Variants in DTNB observed in about 807,000 individuals in gnomAD.
DTNB encodes the protein dystrobrevin beta, also known as DTN-B.
A neutral mutation model predicts 90.7 loss-of-function variants in DTNB; 63 were observed. The ratio of observed to expected loss-of-function variants is 0.69; its 90% CI spans 0.57 to 0.86. The LOEUF is 0.86. DTNB is among the 40% of genes least tolerant of loss of function. The pLI is 0.00. For missense variants in DTNB, 744 were observed against 807.1 expected (o/e 0.92, Z 0.95); for synonymous variants, 277 against 286.7 (o/e 0.97, Z 0.34).
At chr2:25,531,868 T>C (rs973452287) in intron 8 of DTNB, among the ~76,000 whole-genome samples, 3 of 152,222 alleles carry the variant, frequency 2.0e-5, no homozygotes, top group African/African-American at 7.2e-5. Context: ...CATCTCTATG[T>C]ACTCTTGGCA....
chr2:25,559,812 T>C (rs570789585), intron 8 of DTNB, among the ~76,000 whole-genome samples: 1 of 152,266 alleles, frequency 6.6e-6, no homozygotes, highest in East Asian at 1.9e-4. Context: ...ATAAGACAGA[T>C]ACACAGAGGA....
chr2:25,423,817 G>A (rs112330692), intron 15 of DTNB, among the ~76,000 whole-genome samples: 2,733 of 151,948 alleles, frequency 0.018, 68 homozygotes, highest in African/African-American at 0.063. Flanking sequence ...GCACCACCAC[G>A]CTCAGGTAAC....
intron 8 of DTNB, among the ~76,000 whole-genome samples, chr2:25,565,301 A>G (rs2058855688): frequency 6.6e-6 from 1 of 152,116 alleles, no homozygotes; most frequent in South Asian, 2.1e-4. Context: ...CAGTGATGCA[A>G]TCATAACTTA....
At chr2:25,628,985 G>A (rs1000138233) in intron 3 of DTNB, among the ~76,000 whole-genome samples, 1 of 152,128 alleles carries the variant, frequency 6.6e-6, no homozygotes, top group Non-Finnish European at 1.5e-5. Flanking sequence ...AATAAAGTAG[G>A]CGCGGTAGCT....
chr2:25,577,104 C>T (rs976346809), intron 7 of DTNB, 100 bp from the exon 8 acceptor site: 6 of 1,258,916 alleles, frequency 4.8e-6, no homozygotes, highest in Non-Finnish European at 6.4e-6. Flanking sequence ...GAAGTCAATA[C>T]AGAGGAATAC....
At chr2:25,514,538 G>A (rs557824443) in intron 9 of DTNB, among the ~76,000 whole-genome samples, 2 of 133,998 alleles carry the variant, frequency 1.5e-5, no homozygotes, top group Non-Finnish European at 3.1e-5. Context: ...TTATGTCATA[G>A]GACAAATATA....
At chr2:25,627,015 G>A (rs146289095) in intron 4 of DTNB, among the ~76,000 whole-genome samples, 364 of 152,258 alleles carry the variant, frequency 2.4e-3, no homozygotes, top group African/African-American at 8.6e-3. Context: ...AATCATTTCC[G>A]TTTTAATTGG....
At chr2:25,666,542 A>C (rs1418752544) in intron 1 of DTNB, among the ~76,000 whole-genome samples, 2 of 152,216 alleles carry the variant, frequency 1.3e-5, no homozygotes, top group Non-Finnish European at 2.9e-5. Context: ...CTTTGTATAA[A>C]GTTGAGAAAG....
At chr2:25,667,617 TTATTA>T (rs1559449745) in intron 1 of DTNB, among the ~76,000 whole-genome samples, 1 of 152,208 alleles carries the variant, frequency 6.6e-6, no homozygotes, top group African/African-American at 2.4e-5. Flanking sequence ...TCTGACATAC[TTATTA>T]TATAAGTACA....
intron 1 of DTNB, among the ~76,000 whole-genome samples, chr2:25,660,704 G>C (rs777955368): frequency 2.0e-5 from 3 of 151,948 alleles, no homozygotes; most frequent in Non-Finnish European, 4.4e-5. Context: ...TTTTAACGCT[G>C]TATAATTCCA....
intron 8 of DTNB, among the ~76,000 whole-genome samples, chr2:25,551,526 C>T (rs2083656465): frequency 6.6e-6 from 1 of 152,146 alleles, no homozygotes; most frequent in Admixed American, 6.6e-5. Context: ...GCTTCAGGGT[C>T]CCAGCAGTAC....
At chr2:25,405,236 C>CAG in intron 16 of DTNB, among the ~76,000 whole-genome samples, 2 of 152,120 alleles carry the variant, frequency 1.3e-5, no homozygotes, top group South Asian at 4.1e-4. Context: ...CCCGACTAAC[C>CAG]ACCATTAAAA....
At chr2:25,560,999 TACA>T (rs756723810) in intron 8 of DTNB, among the ~76,000 whole-genome samples, 7 of 152,218 alleles carry the variant, frequency 4.6e-5, no homozygotes, top group Non-Finnish European at 1.0e-4. Flanking sequence ...ACCTCCTACC[TACA>T]ACATTTTATT....
chr2:25,465,893 C>G (rs1322602030), intron 10 of DTNB, among the ~76,000 whole-genome samples: 1 of 152,214 alleles, frequency 6.6e-6, no homozygotes, highest in Non-Finnish European at 1.5e-5. Context: ...TTTGCTAGAA[C>G]AGCAGCTACA....
intron 3 of DTNB, among the ~76,000 whole-genome samples, chr2:25,635,195 G>A (rs966979932): frequency 3.3e-5 from 5 of 152,116 alleles, no homozygotes; most frequent in Non-Finnish European, 7.4e-5. Context: ...CACTTTGGGA[G>A]GCCAAGACAG....
At chr2:25,608,556 T>C (rs939488524) in intron 4 of DTNB, among the ~76,000 whole-genome samples, 1 of 152,178 alleles carries the variant, frequency 6.6e-6, no homozygotes, top group Admixed American at 6.5e-5. Context: ...ATGGCACCCA[T>C]AAATAAGGCA....
chr2:25,597,755 T>C (rs568568287), intron 5 of DTNB, among the ~76,000 whole-genome samples: 1 of 152,304 alleles, frequency 6.6e-6, no homozygotes, highest in African/African-American at 2.4e-5. Context: ...AAGTTCCTAT[T>C]ATGTGGTCCA....
Position 25,377,342 on chromosome 2 carries a change from G to A in DTNB, c.*241C>T, listed in dbSNP as rs1418105846. ...AGTGATGAAGGTGCTAGTACATGCA[G>A]GGCTGTGCAGGGGGAGGCCCACTAG... On this transcript the variant is annotated 3_prime_UTR_variant, in exon 21 of 21. Transcript: ENST00000406818. The A allele has an allele frequency of 6.5e-6, 1 of 153,008 alleles. No homozygotes were observed. The highest frequency in any genetic ancestry group is 1.5e-5 in the Non-Finnish European group (1 of 68,190). The allele number at this position is 153,008 out of a possible 1,614,324, so 9.5% of individuals were successfully genotyped here.
intron 8 of DTNB, among the ~76,000 whole-genome samples, chr2:25,548,815 C>G (rs1300082131): frequency 6.6e-6 from 1 of 152,154 alleles, no homozygotes; most frequent in African/African-American, 2.4e-5. Context: ...ATATTTAGAA[C>G]AGACTGAAGG....
Sources: allele counts gnomAD v4.1 joint callset (sites outside exome capture counted in the v4.1 genomes callset), GRCh38; gene constraint gnomAD v4.1.1; transcripts MANE v1.5; gene names NCBI Gene and HGNC (gene_info 2026-07-23, HGNC 2026-07-21).